TUBD1: variants seen among roughly 807,000 people sequenced by gnomAD.
The protein encoded by TUBD1 is tubulin delta chain.
Under a neutral mutation model 51.2 loss-of-function variants are expected in TUBD1, and 38 were observed. The observed-to-expected ratio is 0.74, with a 90% CI of 0.57 to 0.97. The LOEUF is 0.97. Ranked by LOEUF, TUBD1 falls within the 50% of genes least tolerant of loss-of-function variation. The pLI, the probability that TUBD1 is intolerant of heterozygous loss-of-function variation, is 0.00. For missense variants in TUBD1, 489 were observed against 538.4 expected (o/e 0.91, Z 0.91); for synonymous variants, 169 against 178.2 (o/e 0.95, Z 0.41).
intron 6 of TUBD1, among the ~76,000 whole-genome samples, chr17:59,868,283 C>CA (rs11401623): frequency 0.35 from 16,905 of 48,720 alleles, 2,917 homozygotes; most frequent in Middle Eastern, 0.47. Context: ...GACTCCATGT[C>CA]AAAAAAAAAA....
Position 59,891,061 on chromosome 17 carries a change from G to A in TUBD1, c.-39-20C>T, listed in dbSNP as rs771768853. The A allele has an allele frequency of 7.4e-6, 10 of 1,344,780 alleles. No homozygotes were observed. Among genetic ancestry groups the A allele is most frequent in the South Asian group, 2.6e-5 (2 of 76,382 alleles). The allele number at this position is 1,344,780 out of a possible 1,614,324, so 83.3% of individuals were successfully genotyped here. A position where few individuals can be genotyped will look rare whatever the true frequency, so the allele number is the denominator to read the frequency against. ...AACAACCTGTAATCGAAAAAAATAC[G>A]CTTTGAGAACCACTACATTACTAAT... On this transcript the variant is annotated intron_variant, in intron 1 of 8. Coordinates refer to ENST00000325752, the MANE Select transcript of TUBD1 (RefSeq NM_016261.4).
intron 6 of TUBD1, among the ~76,000 whole-genome samples, chr17:59,870,493 A>T (rs2039935585): frequency 6.6e-6 from 1 of 151,026 alleles, no homozygotes; most frequent in African/African-American, 2.4e-5. Context: ...CAGTAGGAGG[A>T]GTGCGCTCTT....
In TUBD1 at chr17:59,860,032, TTG is replaced by T. The variant is rs2039364288; in HGVS notation, c.*288_*289del. 4.9e-5 allele frequency: 9 copies of T among 185,004 alleles called. No homozygotes were observed. Among genetic ancestry groups the T allele is most frequent in the South Asian group, 1.9e-4 (1 of 5,216 alleles). 11.5% of individuals were successfully genotyped at this position (185,004 alleles called of 1,614,324 possible). On this transcript the variant is annotated 3_prime_UTR_variant, in exon 9 of 9. Coordinates refer to ENST00000325752, the MANE Select transcript of TUBD1 (RefSeq NM_016261.4). The stretch of plus-strand genomic sequence containing the variant: ...AAAACATTTTTTTTTTTTTTTTTTT[TTG>T]AGACGGAGTCTCGCTCTGTCGCCCA...
chr17:59,872,997 A>G (rs1197218149), intron 6 of TUBD1, among the ~76,000 whole-genome samples: 3 of 152,052 alleles, frequency 2.0e-5, no homozygotes, highest in African/African-American at 7.2e-5. Flanking sequence ...TCCTGACCTC[A>G]GGTGATCCAC....
intron 6 of TUBD1, among the ~76,000 whole-genome samples, chr17:59,873,255 T>C (rs778328349): frequency 6.7e-4 from 102 of 151,550 alleles, no homozygotes; most frequent in Non-Finnish European, 1.1e-3. Context: ...TTTTTTGTTG[T>C]TGTTTTTTTT....
rs183948216 is a variant in TUBD1 at position 59,868,609 on chromosome 17, G to C, written c.935-1860C>G. ...AATCCCAGCACTTTGCGAGGCAGAGGGGGGGGATCACGAGTTCAAGAGATC... is the reference window on the plus strand; with the variant it reads ...AATCCCAGCACTTTGCGAGGCAGAGCGGGGGGATCACGAGTTCAAGAGATC... On this transcript the variant is annotated intron_variant, in intron 6 of 8. Coordinates refer to ENST00000325752, the MANE Select transcript of TUBD1 (RefSeq NM_016261.4). 1.1e-3 allele frequency among the ~76,000 whole-genome samples: 169 copies of C among 151,918 alleles called. No individual in the cohort carries two copies. In the East Asian group the frequency reaches 0.019, roughly 17 times the overall value.
At position 59,881,056 on chromosome 17, in the gene TUBD1, C is replaced by A; in HGVS notation, c.375G>T (p.Lys125Asn). 6.2e-7 allele frequency: 1 copy of A among 1,614,158 alleles called. No individual in the cohort carries two copies. The highest frequency in any genetic ancestry group is 8.5e-7 in the Non-Finnish European group (1 of 1,180,042). The change falls in exon 4 of 9, where the codon AAG (lysine) becomes AAT (asparagine). Residue 125 changes from lysine (K) to asparagine (N), a missense_variant. By Grantham distance (94) the Lys-to-Asn change is moderately conservative. Transcript: ENST00000325752. The part of the protein sequence containing the change: ...HEESIMNIIR[K>N]EVEKCDSFSG... ...TGAAAGAGTCACATTTCTCCACTTC[C>A]TTCCGGATTATGTTCATTATAGATT...
chr17:59,878,228 T>A lies in TUBD1; in HGVS notation c.644A>T (p.Lys215Ile), dbSNP rs1356577398. 3 of 1,614,100 alleles carry A rather than the reference T, an allele frequency of 1.9e-6. No individual in the cohort carries two copies. Among genetic ancestry groups the A allele is most frequent in the South Asian group, 2.2e-5 (2 of 91,082 alleles). ...GGAGATCTGCTTGATATTCATCAGT[T>A]TTGCACAGATCTTATGGATGGCATC... ...ENDAIHKICAKLMNIKQISFS... is the reference protein window; with the variant it reads ...ENDAIHKICAILMNIKQISFS... Residue 215 changes from lysine (K) to isoleucine (I), a missense_variant, in exon 5 of 9, where the codon AAA becomes ATA. By Grantham distance (102) the Lys-to-Ile change is moderately radical. Transcript: ENST00000325752.
chr17:59,881,684 T>TC (rs2040495510), intron 3 of TUBD1, among the ~76,000 whole-genome samples: 1 of 151,756 alleles, frequency 6.6e-6, no homozygotes, highest in African/African-American at 2.4e-5. Flanking sequence ...TTAAGCTATT[T>TC]TCTTTTTCTG....
chr17:59,873,557 T>G (rs1417790184), intron 6 of TUBD1, among the ~76,000 whole-genome samples: 1 of 152,016 alleles, frequency 6.6e-6, no homozygotes, highest in Non-Finnish European at 1.5e-5. Context: ...GGCCCATTAC[T>G]TGACCTTTTA....
At position 59,868,265 on chromosome 17, in the gene TUBD1, C is replaced by T. The variant is rs1286466278; in HGVS notation, c.935-1516G>A. Among the ~76,000 whole-genome samples, 4 of 113,538 alleles carry T rather than the reference C, an allele frequency of 3.5e-5. No individual in the cohort carries two copies. The Admixed American group carries it at 4.9e-4, about 14-fold the overall frequency. The allele number at this position is 113,538 out of a possible 152,430, so 74.5% of individuals were successfully genotyped here. ...TGCCACTGCACTCCACCCTGGGCAA[C>T]AGAGCAAGACTCCATGTCAAAAAAA... On this transcript the variant is annotated intron_variant, in intron 6 of 8. Coordinates refer to ENST00000325752, the MANE Select transcript of TUBD1 (RefSeq NM_016261.4).
rs2040454022 is a variant in TUBD1 at position 59,880,887 on chromosome 17, T to G, written c.537+7A>C. Reference sequence around the variant, plus strand: ...AAACATAAACTTTTCAATTAACATGTCCATACCTCACCAGTTCCATAAGGC... The same window carrying G: ...AAACATAAACTTTTCAATTAACATGGCCATACCTCACCAGTTCCATAAGGC... On this transcript the variant is annotated splice_region_variant and intron_variant, in intron 4 of 8. Transcript: ENST00000325752. 2 of 1,608,604 alleles carry G rather than the reference T, an allele frequency of 1.2e-6. No homozygotes were observed. The highest frequency in any genetic ancestry group is 8.5e-7 in the Non-Finnish European group (1 of 1,175,116).
intron 3 of TUBD1, among the ~76,000 whole-genome samples, chr17:59,883,372 C>T (rs979866474): frequency 1.3e-5 from 2 of 151,384 alleles, no homozygotes; most frequent in Non-Finnish European, 2.9e-5. Context: ...TGGGTTCAAG[C>T]GATTCTCCTG....
chr17:59,868,608 G>T (rs376083335), intron 6 of TUBD1, among the ~76,000 whole-genome samples: 1 of 150,488 alleles, frequency 6.6e-6, no homozygotes, highest in Non-Finnish European at 1.5e-5. Context: ...GCGAGGCAGA[G>T]GGGGGGGATC....
intron 4 of TUBD1, among the ~76,000 whole-genome samples, chr17:59,879,268 CAA>C (rs373101335): frequency 6.2e-5 from 8 of 128,434 alleles, no homozygotes; most frequent in Non-Finnish European, 4.9e-5. Context: ...AACTCTGTCT[CAA>C]AAAAAAAAAA....
chr17:59,872,045 C>A (rs1485019845), intron 6 of TUBD1, among the ~76,000 whole-genome samples: 1 of 152,078 alleles, frequency 6.6e-6, no homozygotes, highest in Non-Finnish European at 1.5e-5. Context: ...CCTCTGCCTC[C>A]TGAGTTCAAG....
At chr17:59,867,203 A>G (rs1327389001) in intron 6 of TUBD1, among the ~76,000 whole-genome samples, 2 of 151,936 alleles carry the variant, frequency 1.3e-5, no homozygotes, top group Non-Finnish European at 2.9e-5. Context: ...TATGTCACCC[A>G]GGCTGGAGTG....
chr17:59,864,040 G>C (rs957011906), intron 7 of TUBD1, among the ~76,000 whole-genome samples, 193 bp from the exon 8 acceptor site: 3 of 151,262 alleles, frequency 2.0e-5, no homozygotes, highest in Non-Finnish European at 4.4e-5. Context: ...CCAGGAGTTC[G>C]AGACCAGCCT....
intron 4 of TUBD1, among the ~76,000 whole-genome samples, chr17:59,880,194 G>A (rs959687613): frequency 3.9e-5 from 6 of 152,050 alleles, no homozygotes; most frequent in African/African-American, 1.4e-4. Context: ...GAGTAGCTGA[G>A]ACTACAGGCC....
Sources: gnomAD v4.1 joint callset for allele counts (sites outside exome capture counted in the v4.1 genomes callset) on GRCh38, gnomAD v4.1.1 for gene constraint, MANE v1.5 for transcripts, NCBI Gene and HGNC (gene_info 2026-07-23, HGNC 2026-07-21) for gene names.